Variants in TRIM9 observed in about 807,000 individuals in gnomAD.
TRIM9 encodes E3 ubiquitin-protein ligase TRIM9.
A neutral mutation model predicts 78.3 loss-of-function variants in TRIM9; 26 were observed. That is an observed-to-expected ratio of 0.33 (90% CI 0.24 to 0.46). The LOEUF is 0.46. Ranked by LOEUF, TRIM9 falls within the 20% of genes least tolerant of loss-of-function variation. The pLI, the probability that TRIM9 is intolerant of heterozygous loss-of-function variation, is 1.00. For missense variants in TRIM9, 787 were observed against 1,036.4 expected (o/e 0.76, Z 3.30); for synonymous variants, 398 against 416.5 (o/e 0.96, Z 0.54).
intron 2 of TRIM9, 70 bp from the exon 3 acceptor site, chr14:51,023,027 C>T: frequency 3.1e-6 from 5 of 1,594,340 alleles, no homozygotes; most frequent in South Asian, 1.1e-5. Flanking sequence ...AAACAGAGCT[C>T]CCCCATCCTG....
intron 3 of TRIM9, among the ~76,000 whole-genome samples, chr14:51,019,523 A>G (rs1232391598): frequency 6.6e-6 from 1 of 152,206 alleles, no homozygotes; most frequent in African/African-American, 2.4e-5. Context: ...TTATGAACTC[A>G]TGCCACTAAA....
chr14:51,089,227 T>A (rs1241958152), intron 1 of TRIM9: 1 of 152,228 alleles, frequency 6.6e-6, no homozygotes, highest in Non-Finnish European at 1.5e-5. Flanking sequence ...CAATGAATAA[T>A]CCCTGATAAA....
chr14:51,007,138 C>T (rs2055914553), intron 5 of TRIM9, among the ~76,000 whole-genome samples: 1 of 152,118 alleles, frequency 6.6e-6, no homozygotes, highest in South Asian at 2.1e-4. Flanking sequence ...CCTCCTGCCC[C>T]CTCACTGAGG....
intron 5 of TRIM9, among the ~76,000 whole-genome samples, chr14:51,005,214 C>A (rs144816636): frequency 1.6e-3 from 238 of 152,320 alleles, no homozygotes; most frequent in African/African-American, 5.5e-3. Context: ...AACCCTCTGG[C>A]AGCTTTCCCC....
At chr14:51,049,047 T>C (rs181680014) in intron 1 of TRIM9, among the ~76,000 whole-genome samples, 106 of 152,174 alleles carry the variant, frequency 7.0e-4, no homozygotes, top group Non-Finnish European at 1.4e-3. Context: ...TAGTTTAGTG[T>C]AAGCACCGTT....
chr14:51,081,344 T>G (rs1309092312), intron 1 of TRIM9, among the ~76,000 whole-genome samples: 1 of 152,186 alleles, frequency 6.6e-6, no homozygotes, highest in Non-Finnish European at 1.5e-5. Context: ...GACAGACGAT[T>G]ACAAGTGTTA....
rs1596083219 is a variant in TRIM9 at position 50,980,202 on chromosome 14, G to T, written c.2163-653C>A. 2.0e-5 allele frequency among the ~76,000 whole-genome samples: 3 copies of T among 152,308 alleles called. 1 individual carries two copies. Among genetic ancestry groups the T allele is most frequent in the Non-Finnish European group, 4.4e-5 (3 of 68,026 alleles). ...AGGCTGTCTGTGAAATGACAGCACT[G>T]AAGAAGAGGCTTCTTCTCTGTACAG... On this transcript the variant is annotated intron_variant, in intron 11 of 12. Coordinates refer to ENST00000684578, the MANE Select transcript of TRIM9 (RefSeq NM_001387360.1).
At chr14:51,079,880 G>A (rs1037531558) in intron 1 of TRIM9, among the ~76,000 whole-genome samples, 1 of 152,218 alleles carries the variant, frequency 6.6e-6, no homozygotes, top group African/African-American at 2.4e-5. Flanking sequence ...AGCCATGCTT[G>A]CAGACAGGAA....
intron 1 of TRIM9, among the ~76,000 whole-genome samples, chr14:51,078,125 T>A (rs953350460): frequency 1.3e-5 from 2 of 152,154 alleles, no homozygotes; most frequent in Admixed American, 1.3e-4. Context: ...AGGGCCTCAC[T>A]CAGCCTATGT....
rs149426806 is a variant in TRIM9, at chr14:51,062,695, G to C, written c.822+31423C>G. ...AGCTGCAAGACCAGCTGGAAATTGAGAGGGGAATCCTTGAAATCTGTATTT... is the reference window on the plus strand; with the variant it reads ...AGCTGCAAGACCAGCTGGAAATTGACAGGGGAATCCTTGAAATCTGTATTT... On this transcript the variant is annotated intron_variant, in intron 1 of 12. Transcript: ENST00000684578. Among the ~76,000 whole-genome samples, 5 of 152,346 alleles carry C rather than the reference G, an allele frequency of 3.3e-5. No homozygotes were observed. In the East Asian group the frequency reaches 9.6e-4, roughly 29 times the overall value.
intron 3 of TRIM9, among the ~76,000 whole-genome samples, chr14:51,016,924 A>G (rs758330241): frequency 8.5e-5 from 13 of 152,178 alleles, no homozygotes; most frequent in Non-Finnish European, 1.6e-4. Context: ...TTAAGATGCA[A>G]GTTTGAAGTG....
intron 3 of TRIM9, among the ~76,000 whole-genome samples, chr14:51,019,059 T>C (rs752401694): frequency 6.6e-6 from 1 of 152,240 alleles, no homozygotes; most frequent in Non-Finnish European, 1.5e-5. Context: ...GAAGAAAGCA[T>C]AGATTTCATT....
At position 51,066,052 on chromosome 14, in the gene TRIM9, AGAAG is replaced by A. The variant is rs78448733; in HGVS notation, c.822+28062_822+28065del. On this transcript the variant is annotated intron_variant, in intron 1 of 12. Transcript: ENST00000684578. ...GCAAGCAGGCCTGAGCATCTCTTTTAGAAGGAAGGAAGGAAGGAAGGAAGGAAGG... is the reference window on the plus strand; with the variant it reads ...GCAAGCAGGCCTGAGCATCTCTTTTAGAAGGAAGGAAGGAAGGAAGGAAGG... 1.7e-3 allele frequency among the ~76,000 whole-genome samples: 191 copies of A among 112,542 alleles called. 1 individual carries two copies. Among genetic ancestry groups the A allele is most frequent in the South Asian group, 4.8e-3 (13 of 2,712 alleles). 73.8% of individuals were successfully genotyped at this position (112,542 alleles called of 152,430 possible).
chr14:50,992,959 A>G (rs78292254), intron 7 of TRIM9, among the ~76,000 whole-genome samples: 5,667 of 152,288 alleles, frequency 0.037, 142 homozygotes, highest in Non-Finnish European at 0.057. Context: ...TTCTCTAATT[A>G]TCACTGACTA....
At chr14:51,022,128 T>C (rs1043818687) in intron 3 of TRIM9, among the ~76,000 whole-genome samples, 7 of 152,252 alleles carry the variant, frequency 4.6e-5, no homozygotes, top group Non-Finnish European at 7.3e-5. Flanking sequence ...TACTTATTGC[T>C]ATGGTTTGAA....
rs1037473012 is a variant in TRIM9, at chr14:51,000,602, C to A, written c.1464+81G>T. 4.5e-6 allele frequency: 7 copies of A among 1,567,322 alleles called. No individual in the cohort carries two copies. The African/African-American group carries it at 6.7e-5, about 15-fold the overall frequency. ...CCTGTCCCCAGGAGAGATGGGGAAG[C>A]CAGCCCTGAGACTCCCTGGCAGGTC... On this transcript the variant is annotated intron_variant, in intron 6 of 12. Coordinates refer to ENST00000684578, the MANE Select transcript of TRIM9 (RefSeq NM_001387360.1).
chr14:51,049,700 C>T (rs1387620717), intron 1 of TRIM9, among the ~76,000 whole-genome samples: 1 of 151,652 alleles, frequency 6.6e-6, no homozygotes, highest in African/African-American at 2.4e-5. Flanking sequence ...GTGGTGGGTG[C>T]CTGTAATTCT....
At chr14:50,989,931 C>T (rs1026683972) in intron 7 of TRIM9, among the ~76,000 whole-genome samples, 2 of 152,168 alleles carry the variant, frequency 1.3e-5, no homozygotes, top group African/African-American at 2.4e-5. Context: ...ATCAACAAAG[C>T]AAAGATTGGC....
At chr14:51,060,396 G>A (rs955931042) in intron 1 of TRIM9, among the ~76,000 whole-genome samples, 5 of 152,058 alleles carry the variant, frequency 3.3e-5, no homozygotes, top group Admixed American at 2.0e-4. Flanking sequence ...CACACAGTAT[G>A]TATTCTGTGT....
Sources: allele counts gnomAD v4.1 joint callset (sites outside exome capture counted in the v4.1 genomes callset), GRCh38; gene constraint gnomAD v4.1.1; transcripts MANE v1.5; gene names NCBI Gene and HGNC (gene_info 2026-07-23, HGNC 2026-07-21).